The following CDO1 variants were observed in gnomAD, a reference collection of about 807,000 sequenced individuals.
CDO1 encodes cysteine dioxygenase type 1.
In CDO1, 19 loss-of-function variants were observed where a neutral mutation model predicts 24.5. That is an observed-to-expected ratio of 0.77 (90% CI 0.54 to 1.14). CDO1 has a LOEUF of 1.14. Ranked by LOEUF, CDO1 falls within the 50% of genes most tolerant of loss-of-function variation. CDO1 has a pLI of 0.00. For missense variants in CDO1, 244 were observed against 244.8 expected, an observed-to-expected ratio of 1.00 and a Z score of 0.02; for synonymous variants, 91 against 87.0, an observed-to-expected ratio of 1.05 and a Z score of -0.26.
intron 2 of CDO1, 93 bp downstream of exon 2, chr5:115,813,088 T>C: frequency 2.0e-6 from 1 of 497,742 alleles, no homozygotes; most frequent in Non-Finnish European, 3.7e-6. Flanking sequence ...GATTTGTTAC[T>C]ACTTGTAAGA....
intron 2 of CDO1, among the ~76,000 whole-genome samples, chr5:115,811,779 C>T (rs376308741): frequency 2.0e-5 from 3 of 152,252 alleles, no homozygotes; most frequent in East Asian, 3.9e-4. Flanking sequence ...TTCCCCAAGG[C>T]TTTTGTCTTT....
intron 3 of CDO1, among the ~76,000 whole-genome samples, chr5:115,809,392 GC>G (rs1039880363): frequency 6.6e-6 from 1 of 151,990 alleles, no homozygotes; most frequent in African/African-American, 2.4e-5. Flanking sequence ...TGGTCTCCTT[GC>G]CCCAGTCCTC....
chr5:115,808,760 T>C (rs1358035541), intron 3 of CDO1, among the ~76,000 whole-genome samples: 3 of 151,330 alleles, frequency 2.0e-5, no homozygotes, highest in South Asian at 2.1e-4. Context: ...AAAAACGAGA[T>C]GAAATACTCA....
At chr5:115,813,622 GT>G (rs11347287) in intron 1 of CDO1, among the ~76,000 whole-genome samples, 32,019 of 145,082 alleles carry the variant, frequency 0.22, 3,613 homozygotes, top group Admixed American at 0.36. Flanking sequence ...TGTTGCTATT[GT>G]TTTTTTTTTT....
intron 2 of CDO1, among the ~76,000 whole-genome samples, chr5:115,812,045 T>G (rs1266403676): frequency 6.6e-6 from 1 of 152,224 alleles, no homozygotes; most frequent in Non-Finnish European, 1.5e-5. Flanking sequence ...TGTATCTATA[T>G]ACATTTTGGG....
Position 115,816,640 on chromosome 5 carries a change from C to T in CDO1, c.-243G>A. The T allele has an allele frequency of 3.7e-6, 2 of 539,866 alleles. No homozygotes were observed. Among genetic ancestry groups the T allele is most frequent in the Admixed American group, 3.1e-5 (1 of 31,896 alleles). 33.4% of individuals were successfully genotyped at this position (539,866 alleles called of 1,614,324 possible). On this transcript the variant is annotated 5_prime_UTR_variant, in exon 1 of 5. The change creates a new upstream start codon in the 5' untranslated region. Coordinates refer to ENST00000250535, the MANE Select transcript of CDO1 (RefSeq NM_001801.3). ...GATCGCTGGAGACGCGGTGCACACA[C>T]AAATCAGGTTCAGATCTGTGGGGTT...
chr5:115,812,646 C>T (rs1283347754), intron 2 of CDO1, among the ~76,000 whole-genome samples: 1 of 152,114 alleles, frequency 6.6e-6, no homozygotes. Flanking sequence ...ATTTGATTTA[C>T]TATTCATTTT....
At chr5:115,811,338 C>T in intron 2 of CDO1, 23 bp from the exon 3 acceptor site, 1 of 1,597,548 alleles carries the variant, frequency 6.3e-7, no homozygotes, top group African/African-American at 1.3e-5. Flanking sequence ...AAAATGACAA[C>T]TGAACTCAGT....
In CDO1 at chr5:115,811,248, A is replaced by C; in HGVS notation, c.316T>G (p.Leu106Val). ...GATTTTTTGTCAGGCCAGGCAAATA[A>C]TGTCTCCTTTAGATTTCCCTGTAGC... is the stretch of plus-strand genomic sequence containing the variant. ...KMLQGNLKETLFAWPDKKSNE... is the reference protein window; with the variant it reads ...KMLQGNLKETVFAWPDKKSNE... The change falls in exon 3 of 5, where the codon TTA (leucine) becomes GTA (valine). Residue 106 changes from leucine to valine, a missense_variant. Physicochemically the swap from Leu to Val is conservative, Grantham distance 32. Coordinates refer to ENST00000250535, the MANE Select transcript of CDO1 (RefSeq NM_001801.3). The C allele has an allele frequency of 2.5e-6, 4 of 1,613,370 alleles. No homozygotes were observed. Among genetic ancestry groups the C allele is most frequent in the Non-Finnish European group, 3.4e-6 (4 of 1,179,388 alleles).
At chr5:115,811,140 A>G in intron 3 of CDO1, 21 bp downstream of exon 3, 2 of 1,605,904 alleles carry the variant, frequency 1.2e-6, no homozygotes, top group African/African-American at 2.7e-5. Flanking sequence ...ACTTGCCCTT[A>G]GAAAAAGAAT....
At chr5:115,805,789 A>G (rs1759921781) in intron 4 of CDO1, among the ~76,000 whole-genome samples, 1 of 152,224 alleles carries the variant, frequency 6.6e-6, no homozygotes, top group Non-Finnish European at 1.5e-5. Context: ...CTAAATGACA[A>G]ACTTATTTCA....
At chr5:115,808,882 T>C (rs1171013986) in intron 3 of CDO1, among the ~76,000 whole-genome samples, 2 of 152,238 alleles carry the variant, frequency 1.3e-5, no homozygotes, top group African/African-American at 4.8e-5. Context: ...TGCTTTCTTC[T>C]TTATGATCTA....
chr5:115,816,586 C>T lies in CDO1; in HGVS notation c.-189G>A. On this transcript the variant is annotated 5_prime_UTR_variant, in exon 1 of 5. Transcript: ENST00000250535. ...CGCAGAGACAGCAAGAGACCCACCC[C>T]CAGGCCCCTGGCAGCGCAGTGGATC... 1.6e-6 allele frequency: 1 copy of T among 624,976 alleles called. No homozygotes were observed. The highest frequency in any genetic ancestry group is 1.9e-5 in the South Asian group (1 of 51,874). 38.7% of individuals were successfully genotyped at this position (624,976 alleles called of 1,614,324 possible).
chr5:115,814,783 G>A (rs1377270399), intron 1 of CDO1, among the ~76,000 whole-genome samples: 1 of 152,142 alleles, frequency 6.6e-6, no homozygotes, highest in Non-Finnish European at 1.5e-5. Context: ...AACCCCGGGA[G>A]CCTGGAGCCG....
At chr5:115,812,008 C>T (rs1410927446) in intron 2 of CDO1, among the ~76,000 whole-genome samples, 3 of 152,150 alleles carry the variant, frequency 2.0e-5, no homozygotes, top group East Asian at 1.9e-4. Context: ...ATGAAGCAGT[C>T]GTGGTTACAG....
At position 115,806,473 on chromosome 5, in the gene CDO1, G is replaced by A; in HGVS notation, c.449C>T (p.Pro150Leu). Residue 150 changes from proline (P) to leucine (L), a missense_variant, in exon 4 of 5, where the codon CCT (proline) becomes CTT (leucine). Coordinates refer to ENST00000250535, the MANE Select transcript of CDO1 (RefSeq NM_001801.3). Reference sequence around the variant, plus strand: ...ACTGTACAAGTGAAGGCTCACAGCAGGTTCCGTATGGCTGATGTTCTCTAC... The same window carrying A: ...ACTGTACAAGTGAAGGCTCACAGCAAGTTCCGTATGGCTGATGTTCTCTAC... Reference protein sequence around the residue: ...HRVENISHTEPAVSLHLYSPP... With the variant: ...HRVENISHTELAVSLHLYSPP... The A allele has an allele frequency of 6.2e-7, 1 of 1,611,112 alleles. No homozygotes were observed. The highest frequency in any genetic ancestry group is 1.1e-5 in the South Asian group (1 of 90,300).
intron 2 of CDO1, 25 bp downstream of exon 2, chr5:115,813,156 A>T: frequency 7.5e-7 from 1 of 1,340,950 alleles, no homozygotes; most frequent in Non-Finnish European, 1.1e-6. Context: ...TCTAATAAAT[A>T]TCTGTGAATG....
At chr5:115,812,223 C>G (rs938811471) in intron 2 of CDO1, among the ~76,000 whole-genome samples, 1 of 152,182 alleles carries the variant, frequency 6.6e-6, no homozygotes, top group African/African-American at 2.4e-5. Context: ...ATGCACTCTA[C>G]AGACCTAACT....
At chr5:115,816,003 C>T (rs1376328154) in intron 1 of CDO1, among the ~76,000 whole-genome samples, 1 of 152,212 alleles carries the variant, frequency 6.6e-6, no homozygotes, top group Non-Finnish European at 1.5e-5. Context: ...CGTTCCCGGC[C>T]GGAGGTCAGC....
Sources: gnomAD v4.1 joint callset for allele counts (sites outside exome capture counted in the v4.1 genomes callset) on GRCh38, gnomAD v4.1.1 for gene constraint, MANE v1.5 for transcripts, NCBI Gene and HGNC (gene_info 2026-07-23, HGNC 2026-07-21) for gene names.